Variants in SGCD observed in about 807,000 individuals in gnomAD.
SGCD encodes delta-sarcoglycan.
In SGCD, 18 loss-of-function variants were observed where a neutral mutation model predicts 36.6. That is an observed-to-expected ratio of 0.49 (90% CI 0.34 to 0.73). The LOEUF (loss-of-function observed/expected upper bound fraction) is 0.73, where lower values mean the gene tolerates loss of function less well. Among genes scored for constraint, SGCD ranks in the 30% least tolerant of loss-of-function variants. SGCD has a pLI of 0.01. For missense variants in SGCD, 387 were observed against 346.7 expected (o/e 1.12, Z -0.92); for synonymous variants, 133 against 130.6 (o/e 1.02, Z -0.12).
chr5:156,125,841 TA>T (rs1447183247), intron 3 of SGCD, among the ~76,000 whole-genome samples: 220 of 22,062 alleles, frequency 1.0e-2, no homozygotes, highest in African/African-American at 0.031. Context: ...CTCATTCTTT[TA>T]TTATTATTAT....
rs1759884877 is a variant in SGCD, at chr5:156,050,365, A to G, written c.-281-67513A>G. Reference sequence around the variant, plus strand: ...AGACGCTAGTTAGTGTTTTTTACTAATAAAGTATTCTTTAAATTATAAAGG... The same window carrying G: ...AGACGCTAGTTAGTGTTTTTTACTAGTAAAGTATTCTTTAAATTATAAAGG... On this transcript the variant is annotated intron_variant, in intron 1 of 9. Coordinates refer to the SGCD transcript ENST00000517913. Among the ~76,000 whole-genome samples the G allele has an allele frequency of 1.4e-5, 2 of 146,744 alleles. 1 individual carries two copies. Among genetic ancestry groups the G allele is most frequent in the South Asian group, 4.3e-4 (2 of 4,654 alleles).
At chr5:156,583,517 T>G (rs1760369103) in intron 4 of SGCD, among the ~76,000 whole-genome samples, 1 of 152,234 alleles carries the variant, frequency 6.6e-6, no homozygotes, top group Non-Finnish European at 1.5e-5. Context: ...ATCTCCCACC[T>G]GGCCACTCAT....
At chr5:155,920,663 C>T (rs1756857393) in intron 1 of SGCD, among the ~76,000 whole-genome samples, 1 of 152,188 alleles carries the variant, frequency 6.6e-6, no homozygotes, top group Admixed American at 6.5e-5. Flanking sequence ...CTCTTGCCTT[C>T]TTGGGCCTGG....
chr5:156,459,122 C>A (rs1007814867), intron 3 of SGCD, among the ~76,000 whole-genome samples: 4 of 152,092 alleles, frequency 2.6e-5, no homozygotes, highest in Non-Finnish European at 5.9e-5. Context: ...GAATAAAGTA[C>A]TTTTTTGCCC....
intron 3 of SGCD, among the ~76,000 whole-genome samples, chr5:156,257,551 T>C (rs1765746946): frequency 6.6e-6 from 1 of 151,652 alleles, no homozygotes; most frequent in Admixed American, 6.6e-5. Flanking sequence ...ACACACCCTC[T>C]GTATGCCAGT....
intron 3 of SGCD, among the ~76,000 whole-genome samples, chr5:156,356,856 G>A (rs914769543): frequency 2.6e-5 from 4 of 152,156 alleles, no homozygotes; most frequent in African/African-American, 9.7e-5. Context: ...ACACAGAAGA[G>A]GAGGAGGCAA....
At chr5:156,513,640 G>A (rs544934686) in intron 4 of SGCD, among the ~76,000 whole-genome samples, 2 of 152,320 alleles carry the variant, frequency 1.3e-5, no homozygotes, top group South Asian at 4.1e-4. Context: ...ACTGATCTGA[G>A]AGGAGCTGAC....
At chr5:156,056,413 A>G (rs1392307571) in intron 1 of SGCD, among the ~76,000 whole-genome samples, 1 of 145,212 alleles carries the variant, frequency 6.9e-6, no homozygotes, top group African/African-American at 2.5e-5. Flanking sequence ...GTTCCTATGA[A>G]TAACATCAAT....
At chr5:156,459,534 T>A (rs540405192) in intron 3 of SGCD, among the ~76,000 whole-genome samples, 11 of 152,186 alleles carry the variant, frequency 7.2e-5, no homozygotes, top group Non-Finnish European at 1.6e-4. Flanking sequence ...AGTGGCCACA[T>A]CTTACACAGG....
chr5:156,023,888 G>A (rs953077683), intron 1 of SGCD, among the ~76,000 whole-genome samples: 1 of 152,158 alleles, frequency 6.6e-6, no homozygotes, highest in African/African-American at 2.4e-5. Context: ...GCTATCACTT[G>A]TCTGGCTTTC....
At chr5:156,392,438 A>AGGG (rs762458072) in intron 3 of SGCD, among the ~76,000 whole-genome samples, 17 of 152,166 alleles carry the variant, frequency 1.1e-4, no homozygotes, top group Admixed American at 3.3e-4. Flanking sequence ...CAAACTTCTA[A>AGGG]GGGGAGCATA....
chr5:156,211,501 G>T (rs563273836), intron 3 of SGCD, among the ~76,000 whole-genome samples: 1 of 151,786 alleles, frequency 6.6e-6, no homozygotes. Context: ...CCAGCTACTC[G>T]GGAGGCTGAG....
chr5:156,109,907 T>C (rs1761744029), intron 1 of SGCD, among the ~76,000 whole-genome samples: 1 of 152,188 alleles, frequency 6.6e-6, no homozygotes, highest in Non-Finnish European at 1.5e-5. Context: ...AGGACAACTA[T>C]GGGTTACGAA....
chr5:155,956,833 C>T (rs1757665948), intron 1 of SGCD, among the ~76,000 whole-genome samples: 1 of 144,002 alleles, frequency 6.9e-6, no homozygotes, highest in African/African-American at 2.5e-5. Flanking sequence ...GATCTAATCT[C>T]GAGATCCTTT....
At chr5:156,665,108 G>T (rs1483470247) in intron 7 of SGCD, among the ~76,000 whole-genome samples, 2 of 151,962 alleles carry the variant, frequency 1.3e-5, no homozygotes, top group African/African-American at 2.4e-5. Context: ...CTTTCTGGGG[G>T]TGGCCGATAC....
chr5:156,585,316 T>C (rs1250808676), intron 4 of SGCD, among the ~76,000 whole-genome samples: 1 of 152,212 alleles, frequency 6.6e-6, no homozygotes, highest in Non-Finnish European at 1.5e-5. Context: ...TAACTTGCTA[T>C]GCTTTTAAAA....
the SGCD span, among the ~76,000 whole-genome samples, chr5:155,772,197 G>A: frequency 6.6e-6 from 1 of 152,244 alleles, no homozygotes; most frequent in South Asian, 2.1e-4. Flanking sequence ...GAAAGGGGGA[G>A]CAATTCACTC....
At chr5:155,867,684 G>A (rs1221943401), upstream of SGCD, among the ~76,000 whole-genome samples, 1 of 152,154 alleles carries the variant, frequency 6.6e-6, no homozygotes. Context: ...AATACTAGCA[G>A]CAGCAGCAGT....
intron 3 of SGCD, among the ~76,000 whole-genome samples, chr5:156,258,777 TTTG>T (rs1765776799): frequency 6.6e-6 from 1 of 152,196 alleles, no homozygotes; most frequent in African/African-American, 2.4e-5. Context: ...AAATGTTACT[TTTG>T]TTATTTTAAA....
Sources: allele counts gnomAD v4.1 joint callset (sites outside exome capture counted in the v4.1 genomes callset), GRCh38; gene constraint gnomAD v4.1.1; transcripts MANE v1.5; gene names NCBI Gene and HGNC (gene_info 2026-07-23, HGNC 2026-07-21).